KCNK10: variants seen among roughly 807,000 people sequenced by gnomAD.
KCNK10 encodes the protein potassium two pore domain channel subfamily K member 10, also known as potassium channel subfamily K member 10.
In KCNK10, 25 loss-of-function variants were observed where a neutral mutation model predicts 47.7. That is an observed-to-expected ratio of 0.52 (90% CI 0.38 to 0.73). KCNK10 has a LOEUF of 0.73. KCNK10 is among the 30% of genes least tolerant of loss of function. The pLI, the probability that KCNK10 is intolerant of heterozygous loss-of-function variation, is 0.00. For missense variants in KCNK10, 563 were observed against 714.5 expected, an observed-to-expected ratio of 0.79 and a Z score of 2.42; for synonymous variants, 303 against 285.6, an observed-to-expected ratio of 1.06 and a Z score of -0.61.
chr14:88,260,822 G>A lies in KCNK10; in HGVS notation c.402+2380C>T, dbSNP rs934199577. ...CTTAAATGCACACACGTGTGTATGT[G>A]CAAACACATTCACACAAACGCACAC... is the stretch of plus-strand genomic sequence containing the variant. On this transcript the variant is annotated intron_variant, in intron 2 of 6. Coordinates refer to ENST00000319231, the MANE Select transcript of KCNK10 (RefSeq NM_138317.3). This position sits in a 1 kb window ranked among gnomAD's most constrained non-coding sequence, Gnocchi z 4.5. Among the ~76,000 whole-genome samples the A allele has an allele frequency of 2.6e-5, 4 of 152,138 alleles. No homozygotes were observed. Among genetic ancestry groups the A allele is most frequent in the African/African-American group, 9.7e-5 (4 of 41,418 alleles).
At chr14:88,278,602 C>A (rs1887579107) in intron 1 of KCNK10, among the ~76,000 whole-genome samples, 1 of 152,168 alleles carries the variant, frequency 6.6e-6, no homozygotes, top group Non-Finnish European at 1.5e-5. Context: ...CAGGAAAACA[C>A]AAGAGAAAAA....
At chr14:88,286,897 C>T (rs1887775626) in intron 1 of KCNK10, among the ~76,000 whole-genome samples, 1 of 152,152 alleles carries the variant, frequency 6.6e-6, no homozygotes, top group African/African-American at 2.4e-5. Context: ...ACAGCCAAAC[C>T]TTATCACATG....
At position 88,322,336 on chromosome 14, in the gene KCNK10, C is replaced by T. The variant is rs1398069617; in HGVS notation, c.52+411G>A. 2.0e-5 allele frequency among the ~76,000 whole-genome samples: 3 copies of T among 152,216 alleles called. No individual in the cohort carries two copies. The highest frequency in any genetic ancestry group is 3.9e-4 in the East Asian group (2 of 5,164). On this transcript the variant is annotated intron_variant, in intron 1 of 6. Coordinates refer to ENST00000319231, the MANE Select transcript of KCNK10 (RefSeq NM_138317.3). The surrounding 1 kb of genome is among the most constrained non-coding windows in gnomAD (Gnocchi z 4.8). ...TTCCCACTGAGGACACCCGGGCATG[C>T]GGCGCAGCTCCAGGTCCAGGGGGAA...
At chr14:88,193,673 C>T (rs927485534) in intron 4 of KCNK10, among the ~76,000 whole-genome samples, 17 of 152,136 alleles carry the variant, frequency 1.1e-4, no homozygotes, top group African/African-American at 3.9e-4. Flanking sequence ...GAGACCTTTG[C>T]TTTATATACT....
At chr14:88,277,860 C>T (rs1887559876) in intron 1 of KCNK10, among the ~76,000 whole-genome samples, 1 of 152,144 alleles carries the variant, frequency 6.6e-6, no homozygotes, top group African/African-American at 2.4e-5. Flanking sequence ...CCCAAAATAC[C>T]TTTTCTCATT....
At chr14:88,226,112 A>G (rs1885975697) in intron 4 of KCNK10, among the ~76,000 whole-genome samples, 1 of 152,218 alleles carries the variant, frequency 6.6e-6, no homozygotes, top group East Asian at 1.9e-4. Context: ...GCCCTATATG[A>G]CAAGCTCTTT....
At chr14:88,222,875 T>C (rs1285599444) in intron 4 of KCNK10, among the ~76,000 whole-genome samples, 1 of 152,116 alleles carries the variant, frequency 6.6e-6, no homozygotes, top group African/African-American at 2.4e-5. Flanking sequence ...AGGTAACAAA[T>C]CTGGATACAC....
At position 88,201,458 on chromosome 14, in the gene KCNK10, G is replaced by A. The variant is rs562698402; in HGVS notation, c.682-9048C>T. ...GTGGATCACTTGAGGTCAGGAGTTC[G>A]AGACCAGCCTGGCCAATATGGTGAA... is the stretch of plus-strand genomic sequence containing the variant. On this transcript the variant is annotated intron_variant, in intron 4 of 6. Coordinates refer to ENST00000319231, the MANE Select transcript of KCNK10 (RefSeq NM_138317.3). 2.8e-4 allele frequency among the ~76,000 whole-genome samples: 43 copies of A among 152,156 alleles called. No individual in the cohort carries two copies. The South Asian group carries it at 3.1e-3, about 11-fold the overall frequency.
chr14:88,229,385 T>A (rs1886088777), intron 3 of KCNK10, among the ~76,000 whole-genome samples: 1 of 152,072 alleles, frequency 6.6e-6, no homozygotes, highest in Non-Finnish European at 1.5e-5. Flanking sequence ...TAGACCCACT[T>A]AACATCTGCA....
At chr14:88,230,622 C>G (rs1055539263) in intron 3 of KCNK10, among the ~76,000 whole-genome samples, 1 of 152,134 alleles carries the variant, frequency 6.6e-6, no homozygotes, top group Admixed American at 6.5e-5. Context: ...GCAGGCAGGG[C>G]TGCTTTATGG....
upstream of KCNK10, among the ~76,000 whole-genome samples, chr14:88,323,884 G>A (rs1457263297): frequency 6.6e-6 from 1 of 152,130 alleles, no homozygotes; most frequent in East Asian, 1.9e-4. Context: ...TCTCTCGCCT[G>A]AGTCCCGAAC....
chr14:88,325,149 C>T (rs1016435480), upstream of KCNK10, among the ~76,000 whole-genome samples: 3 of 152,144 alleles, frequency 2.0e-5, no homozygotes, highest in African/African-American at 4.8e-5. Flanking sequence ...AGCCATGCCC[C>T]GAGACACCAG....
intron 1 of KCNK10, among the ~76,000 whole-genome samples, chr14:88,320,610 T>C (rs1046537921): frequency 2.6e-5 from 4 of 152,110 alleles, no homozygotes; most frequent in African/African-American, 2.4e-5. Flanking sequence ...CTGGCTGCCA[T>C]CTCAGTCATT....
At chr14:88,239,208 A>T (rs1886381820) in intron 3 of KCNK10, among the ~76,000 whole-genome samples, 1 of 89,854 alleles carries the variant, frequency 1.1e-5, no homozygotes, top group Non-Finnish European at 2.5e-5. Flanking sequence ...AATTTGTTTA[A>T]AAAAAAAAAA....
At chr14:88,280,057 C>T (rs2139771320) in intron 1 of KCNK10, among the ~76,000 whole-genome samples, 1 of 152,276 alleles carries the variant, frequency 6.6e-6, no homozygotes, top group South Asian at 2.1e-4. Context: ...TTGGTTATGT[C>T]TTTATCAGCA....
At position 88,182,857 on chromosome 14, in the gene KCNK10, C is replaced by T; in HGVS notation, c.*2678G>A. The T allele has an allele frequency of 6.6e-6, 1 of 152,342 alleles. No homozygotes were observed. The highest frequency in any genetic ancestry group is 1.9e-4 in the East Asian group (1 of 5,338). The allele number at this position is 152,342 out of a possible 1,614,324, so 9.4% of individuals were successfully genotyped here. A position where few individuals can be genotyped will look rare whatever the true frequency, so the allele number is the denominator to read the frequency against. Reference sequence around the variant, plus strand: ...TTAGCAAGTAAAGTGCAAAAGAGTGCTTTCAAAGGGCATTTTTTAAAGGGT... The same window carrying T: ...TTAGCAAGTAAAGTGCAAAAGAGTGTTTTCAAAGGGCATTTTTTAAAGGGT... On this transcript the variant is annotated 3_prime_UTR_variant, in exon 7 of 7. Transcript: ENST00000319231.
chr14:88,260,179 G>A lies in KCNK10; in HGVS notation c.402+3023C>T, dbSNP rs879539691. 3.9e-5 allele frequency among the ~76,000 whole-genome samples: 6 copies of A among 152,160 alleles called. No individual in the cohort carries two copies. Among genetic ancestry groups the A allele is most frequent in the Non-Finnish European group, 7.3e-5 (5 of 68,034 alleles). ...GTTGGTCTCGAACTCCTGATCTCAG[G>A]TCATCCACCCACCTTGGCCTCCCAA... On this transcript the variant is annotated intron_variant, in intron 2 of 6. Coordinates refer to ENST00000319231, the MANE Select transcript of KCNK10 (RefSeq NM_138317.3). This position sits in a 1 kb window ranked among gnomAD's most constrained non-coding sequence, Gnocchi z 4.5.
rs374521468 is a variant in KCNK10 at position 88,253,657 on chromosome 14, C to T, written c.402+9545G>A. 1.9e-4 allele frequency among the ~76,000 whole-genome samples: 29 copies of T among 152,148 alleles called. 1 individual carries two copies. The highest frequency in any genetic ancestry group is 6.7e-4 in the African/African-American group (28 of 41,520). On this transcript the variant is annotated intron_variant, in intron 2 of 6. Transcript: ENST00000319231. The stretch of plus-strand genomic sequence containing the variant: ...GCTCACACCTGTAATCCCAAAACTT[C>T]GGGAGGCTGAGGTGGGCAGATCACC...
intron 4 of KCNK10, among the ~76,000 whole-genome samples, chr14:88,192,844 T>G (rs1026807693): frequency 6.6e-6 from 1 of 152,210 alleles, no homozygotes; most frequent in Non-Finnish European, 1.5e-5. Context: ...ATGGTGGTGA[T>G]GGATTTGCAC....
Sources: gnomAD v4.1 joint callset for allele counts (sites outside exome capture counted in the v4.1 genomes callset) on GRCh38, gnomAD v4.1.1 for gene constraint, Gnocchi (gnomAD v3.1) non-coding constraint, MANE v1.5 for transcripts, NCBI Gene and HGNC (gene_info 2026-07-23, HGNC 2026-07-21) for gene names.